NUP133: variants seen among roughly 807,000 people sequenced by gnomAD.
The protein encoded by NUP133 is nucleoporin 133, also known as nuclear pore complex protein Nup133.
A neutral mutation model predicts 146.2 loss-of-function variants in NUP133; 66 were observed. The observed-to-expected ratio is 0.45, with a 90% CI of 0.37 to 0.55. The LOEUF is 0.55. Ranked by LOEUF, NUP133 falls within the 20% of genes least tolerant of loss-of-function variation. The pLI is 0.00. For synonymous variants in NUP133, 521 were observed against 498.8 expected, an observed-to-expected ratio of 1.04 and a Z score of -0.59; for missense variants, 1,277 against 1,374.8, an observed-to-expected ratio of 0.93 and a Z score of 1.12.
intron 13 of NUP133, among the ~76,000 whole-genome samples, chr1:229,476,936 AAAAAC>A (rs1225088670): frequency 6.6e-6 from 1 of 151,372 alleles, no homozygotes; most frequent in African/African-American, 2.4e-5. Context: ...TCCAAAAAAA[AAAAAC>A]AAAAAAAAAA....
chr1:229,458,267 A>G lies in NUP133; in HGVS notation c.2874T>C (p.Asn958=). The change falls in exon 21 of 26, where the codon AAT becomes AAC. Residue 958 remains asparagine (N), a synonymous_variant. Transcript: ENST00000261396. Reference sequence around the variant, plus strand: ...TCTTTGCAAAGTAACGAGTTTCCATATTTGCCAAACCCAGAAGTGTTGCAT... The same window carrying G: ...TCTTTGCAAAGTAACGAGTTTCCATGTTTGCCAAACCCAGAAGTGTTGCAT... ...KAHATLLGLA[N]METRYFAKKK... 6.2e-7 allele frequency: 1 copy of G among 1,613,492 alleles called. No individual in the cohort carries two copies.
At position 229,498,244 on chromosome 1, in the gene NUP133, T is replaced by C. The variant is rs768134424; in HGVS notation, c.711A>G (p.Ser237=). The C allele has an allele frequency of 5.0e-6, 8 of 1,612,232 alleles. No homozygotes were observed. In the African/African-American group the frequency reaches 9.3e-5, roughly 19 times the overall value. ...SQLIRLIPES[S]GKIHQHILPQ... ...GCAGGATATGCTGATGAATCTTTCCTGAGCTCTCAGGTATCAACCGAATTA... is the reference window on the plus strand; with the variant it reads ...GCAGGATATGCTGATGAATCTTTCCCGAGCTCTCAGGTATCAACCGAATTA... Residue 237 remains serine (S), a synonymous_variant, in exon 6 of 26, where the codon TCA becomes TCG. Coordinates refer to ENST00000261396, the MANE Select transcript of NUP133 (RefSeq NM_018230.3).
intron 21 of NUP133, among the ~76,000 whole-genome samples, chr1:229,454,334 G>A (rs1267259155): frequency 6.6e-6 from 1 of 152,102 alleles, no homozygotes; most frequent in Non-Finnish European, 1.5e-5. Context: ...GCAAAACAGT[G>A]ACCAAAACAC....
chr1:229,470,669 G>T lies in NUP133; in HGVS notation c.1987C>A (p.Leu663Ile). The T allele has an allele frequency of 6.2e-7, 1 of 1,614,152 alleles. No individual in the cohort carries two copies. The highest frequency in any genetic ancestry group is 8.5e-7 in the Non-Finnish European group (1 of 1,180,038). The stretch of plus-strand genomic sequence containing the variant: ...GCAATCAATATGGCTGTGTTGACAA[G>T]GTCAGAAAGCCGGGAGTGGTGGTTC... ...LKNHHSRLSD[L>I]VNTAILIALN... The change falls in exon 15 of 26, where the codon CTT (leucine) becomes ATT (isoleucine). Residue 663 changes from leucine to isoleucine, a missense_variant. Coordinates refer to ENST00000261396, the MANE Select transcript of NUP133 (RefSeq NM_018230.3).
Position 229,441,952 on chromosome 1 carries a change from C to T in NUP133, c.3423G>A (p.Glu1141=), listed in dbSNP as rs758540270. 1.9e-6 allele frequency: 3 copies of T among 1,582,716 alleles called. No individual in the cohort carries two copies. In the African/African-American group the frequency reaches 4.1e-5, roughly 22 times the overall value. The part of the protein sequence containing the change: ...LGSLKSNPYF[E]FVLKANYEYY... ...ATTCATAATTTGCTTTCAAAACAAA[C>T]TCGAAGTAAGGATTGGACTTTAAGC... The change falls in exon 26 of 26, where the codon GAG becomes GAA. Residue 1141 remains glutamate (E), a synonymous_variant. Transcript: ENST00000261396.
In NUP133 at chr1:229,449,160, GT is replaced by G; in HGVS notation, c.3210del (p.Lys1070AsnfsTer33). 6.2e-7 allele frequency: 1 copy of G among 1,611,598 alleles called. No individual in the cohort carries two copies. Among genetic ancestry groups the G allele is most frequent in the Non-Finnish European group, 8.5e-7 (1 of 1,178,388 alleles). On this transcript the variant is annotated frameshift_variant, in exon 24 of 26. Transcript: ENST00000261396. LOFTEE classifies it high-confidence loss of function. ...TGAAGAGCTTTGCAAAGGATTTCCAGTTTTAGATCATTTATATTTATATCTT... is the reference window on the plus strand; with the variant it reads ...TGAAGAGCTTTGCAAAGGATTTCCAGTTTAGATCATTTATATTTATATCTT... The part of the protein sequence containing the change: ...EEEDININDL[K>X]LEILCKALQR...
At position 229,480,623 on chromosome 1, in the gene NUP133, T is replaced by C. The variant is rs143295213; in HGVS notation, c.1593-2863A>G. The stretch of plus-strand genomic sequence containing the variant: ...CTACCAATTGTGACCCCAGGGGCCA[T>C]CTGGCAATGTCTGACGATAACTTTG... On this transcript the variant is annotated intron_variant, in intron 12 of 25. Coordinates refer to ENST00000261396, the MANE Select transcript of NUP133 (RefSeq NM_018230.3). Among the ~76,000 whole-genome samples, 808 of 152,286 alleles carry C rather than the reference T, an allele frequency of 5.3e-3. 1 individual carries two copies. The highest frequency in any genetic ancestry group is 7.7e-3 in the Non-Finnish European group (521 of 68,030).
At chr1:229,446,892 C>A (rs140992588) in intron 24 of NUP133, among the ~76,000 whole-genome samples, 1 of 151,922 alleles carries the variant, frequency 6.6e-6, no homozygotes, top group South Asian at 2.1e-4. Flanking sequence ...TTTGGGAGGC[C>A]GAGGCAGGCA....
rs1444399448 is a variant in NUP133 at position 229,463,632 on chromosome 1, A to G, written c.2596T>C (p.Tyr866His). ...YLWAASLAEKYCDFDILVQMC... is the reference protein window; with the variant it reads ...YLWAASLAEKHCDFDILVQMC... ...TGTACCAATATATCAAAGTCACAGT[A>G]TTTCTCTGCTAGAGAAGCAGCCCAC... The change falls in exon 19 of 26, where the codon TAC becomes CAC. Residue 866 changes from tyrosine to histidine, a missense_variant. By Grantham distance (83) the Tyr-to-His change is moderately conservative (BLOSUM62 2). Coordinates refer to ENST00000261396, the MANE Select transcript of NUP133 (RefSeq NM_018230.3). 1.9e-6 allele frequency: 3 copies of G among 1,614,076 alleles called. No individual in the cohort carries two copies. The highest frequency in any genetic ancestry group is 2.2e-5 in the South Asian group (2 of 91,060).
chr1:229,470,470 TTCAGTGAGA>T, intron 15 of NUP133, 101 bp downstream of exon 15: 1 of 880,420 alleles, frequency 1.1e-6, no homozygotes, highest in Non-Finnish European at 1.8e-6. Context: ...AATTTAAAAT[TTCAGTGAGA>T]TCTTTTGTGA....
chr1:229,505,577 A>C (rs1483872897), intron 2 of NUP133, among the ~76,000 whole-genome samples: 1 of 147,636 alleles, frequency 6.8e-6, no homozygotes, highest in African/African-American at 2.5e-5. Flanking sequence ...AAAAAAAAAA[A>C]AAAAAAAAAA....
At chr1:229,489,657 G>C (rs1661458755) in intron 9 of NUP133, among the ~76,000 whole-genome samples, 1 of 152,228 alleles carries the variant, frequency 6.6e-6, no homozygotes, top group Admixed American at 6.5e-5. Context: ...AATCACTTGA[G>C]GTCAGGAGTT....
chr1:229,495,488 T>C lies in NUP133; in HGVS notation c.1046+7A>G. 1 of 1,600,240 alleles carries C rather than the reference T, an allele frequency of 6.2e-7. No individual in the cohort carries two copies. Among genetic ancestry groups the C allele is most frequent in the South Asian group, 1.1e-5 (1 of 90,600 alleles). ...TCTATGTTCTTTACGACAAATTAAT[T>C]GCTTACCAGTTTTGCTTCAAGTCCA... is the stretch of plus-strand genomic sequence containing the variant. On this transcript the variant is annotated splice_region_variant and intron_variant, in intron 8 of 25. Coordinates refer to ENST00000261396, the MANE Select transcript of NUP133 (RefSeq NM_018230.3).
At chr1:229,498,385 A>T in intron 5 of NUP133, 79 bp from the exon 6 acceptor site, 1 of 933,100 alleles carries the variant, frequency 1.1e-6, no homozygotes, top group Non-Finnish European at 1.6e-6. Flanking sequence ...GATACAGAGA[A>T]AAATCATCGT....
chr1:229,486,173 C>T (rs2102774310), intron 11 of NUP133, among the ~76,000 whole-genome samples, 198 bp downstream of exon 11: 1 of 151,248 alleles, frequency 6.6e-6, no homozygotes, highest in South Asian at 2.1e-4. Flanking sequence ...TCTCAAAAAC[C>T]AAACCAAACC....
chr1:229,451,627 TATA>T (rs35873708), intron 22 of NUP133, among the ~76,000 whole-genome samples: 1 of 149,220 alleles, frequency 6.7e-6, no homozygotes, highest in African/African-American at 2.6e-5. Context: ...TCCCAAAAAC[TATA>T]ATTTCATTTT....
At chr1:229,452,043 C>T (rs1440570377) in intron 22 of NUP133, among the ~76,000 whole-genome samples, 3 of 152,166 alleles carry the variant, frequency 2.0e-5, no homozygotes, top group Non-Finnish European at 2.9e-5. Flanking sequence ...GGTGATCCTA[C>T]ATCACTCTGG....
intron 20 of NUP133, among the ~76,000 whole-genome samples, chr1:229,459,147 T>A (rs145791827): frequency 6.6e-6 from 1 of 152,182 alleles, no homozygotes; most frequent in African/African-American, 2.4e-5. Context: ...GGTGAGAACA[T>A]TTCAAATTTG....
At chr1:229,479,571 A>G (rs1333473874) in intron 12 of NUP133, among the ~76,000 whole-genome samples, 2 of 151,816 alleles carry the variant, frequency 1.3e-5, no homozygotes, top group African/African-American at 4.8e-5. Context: ...TATAAGAATG[A>G]CTCCTCTGTT....
Sources: allele counts gnomAD v4.1 joint callset (sites outside exome capture counted in the v4.1 genomes callset), GRCh38; gene constraint gnomAD v4.1.1; transcripts MANE v1.5; gene names NCBI Gene and HGNC (gene_info 2026-07-23, HGNC 2026-07-21).